Variants in IGFBP2 observed in about 807,000 individuals in gnomAD.
The protein encoded by IGFBP2 is insulin like growth factor binding protein 2.
IGFBP2 carries 12 observed loss-of-function variants against 26.2 expected under a neutral mutation model. The ratio of observed to expected loss-of-function variants is 0.46; its 90% CI spans 0.29 to 0.74. The LOEUF (loss-of-function observed/expected upper bound fraction) is 0.74. Among genes scored for constraint, IGFBP2 ranks in the 30% least tolerant of loss-of-function variants. The pLI is 0.09. For missense variants in IGFBP2, 328 were observed against 441.2 expected, an observed-to-expected ratio of 0.74 and a Z score of 2.30; for synonymous variants, 189 against 200.6, an observed-to-expected ratio of 0.94 and a Z score of 0.49.
intron 2 of IGFBP2, chr2:216,661,351 A>C: frequency 3.6e-6 from 1 of 279,548 alleles, no homozygotes; most frequent in Non-Finnish European, 7.0e-6. Context: ...CAATCCTCCC[A>C]CCTCGGCCTC....
intron 1 of IGFBP2, among the ~76,000 whole-genome samples, chr2:216,641,542 A>G (rs9341130): frequency 0.091 from 13,893 of 152,182 alleles, 834 homozygotes; most frequent in East Asian, 0.26. Flanking sequence ...CTACTTTCAC[A>G]GGGCTGTAGT....
chr2:216,652,510 TGAGAAATTA>T (rs1232819190), intron 1 of IGFBP2, among the ~76,000 whole-genome samples: 1 of 152,188 alleles, frequency 6.6e-6, no homozygotes, highest in Non-Finnish European at 1.5e-5. Context: ...TTTTCAGACT[TGAGAAATTA>T]GAGCTCAGAG....
At chr2:216,645,231 A>AGGG (rs1697688055) in intron 1 of IGFBP2, among the ~76,000 whole-genome samples, 1 of 152,108 alleles carries the variant, frequency 6.6e-6, no homozygotes, top group Non-Finnish European at 1.5e-5. Context: ...GGCAGGATAA[A>AGGG]GGGGGTGGGG....
intron 1 of IGFBP2, among the ~76,000 whole-genome samples, chr2:216,653,703 C>T (rs1383983812): frequency 6.6e-6 from 1 of 152,150 alleles, no homozygotes; most frequent in Non-Finnish European, 1.5e-5. Context: ...GCAGTCTACC[C>T]AAGGCAGGGG....
At chr2:216,659,860 TG>T (rs1322690208) in intron 1 of IGFBP2, 1 of 861,248 alleles carries the variant, frequency 1.2e-6, no homozygotes, top group Non-Finnish European at 1.9e-6. Flanking sequence ...AATGTCAGTG[TG>T]GCAGAGCTGT....
chr2:216,635,418 A>T (rs900372766), intron 1 of IGFBP2, among the ~76,000 whole-genome samples: 1 of 152,144 alleles, frequency 6.6e-6, no homozygotes, highest in African/African-American at 2.4e-5. Context: ...TCCCCCAGTC[A>T]TGCGTTCCTC....
At chr2:216,643,744 C>T (rs1418858254) in intron 1 of IGFBP2, among the ~76,000 whole-genome samples, 3 of 152,092 alleles carry the variant, frequency 2.0e-5, no homozygotes, top group Admixed American at 1.3e-4. Context: ...ATTCAAAGCT[C>T]TCCTGGGCTG....
At chr2:216,645,246 G>A (rs1697688456) in intron 1 of IGFBP2, among the ~76,000 whole-genome samples, 1 of 152,224 alleles carries the variant, frequency 6.6e-6, no homozygotes, top group African/African-American at 2.4e-5. Context: ...GTGGGGGTAG[G>A]ACAGGTTTAC....
At chr2:216,663,349 TCAGCTGTGCTTCTTAC>T (rs1365415008) in intron 3 of IGFBP2, 1 of 152,224 alleles carries the variant, frequency 6.6e-6, no homozygotes, top group Non-Finnish European at 1.5e-5. Flanking sequence ...GGCTTCCATC[TCAGCTGTGCTTCTTAC>T]CAGCTGTGTG....
At chr2:216,655,274 C>T (rs1697897418) in intron 1 of IGFBP2, among the ~76,000 whole-genome samples, 1 of 152,110 alleles carries the variant, frequency 6.6e-6, no homozygotes, top group Admixed American at 6.5e-5. Context: ...ACCCAAATGT[C>T]ATCTTGAATT....
intron 1 of IGFBP2, 158 bp downstream of exon 1, chr2:216,634,123 C>T (rs1337172868): frequency 3.6e-6 from 3 of 836,372 alleles, no homozygotes; most frequent in Non-Finnish European, 2.9e-6. Context: ...AAGTCAGGCC[C>T]GGGGAGGGGA....
At chr2:216,653,923 A>G (rs993639062) in intron 1 of IGFBP2, among the ~76,000 whole-genome samples, 2 of 152,188 alleles carry the variant, frequency 1.3e-5, no homozygotes, top group African/African-American at 2.4e-5. Flanking sequence ...GGAGGTTTCT[A>G]TCAACCATTT....
chr2:216,648,258 G>A (rs1030724462), intron 1 of IGFBP2, among the ~76,000 whole-genome samples: 1 of 152,154 alleles, frequency 6.6e-6, no homozygotes, highest in African/African-American at 2.4e-5. Flanking sequence ...GCAGCACCAG[G>A]ATGGATTTGT....
intron 2 of IGFBP2, chr2:216,661,228 G>A (rs1381453351): frequency 3.7e-6 from 1 of 268,992 alleles, no homozygotes; most frequent in Non-Finnish European, 7.2e-6. Flanking sequence ...TCAGCCTCCT[G>A]AACAGCTGGG....
chr2:216,663,892 A>C, intron 3 of IGFBP2, 48 bp from the exon 4 acceptor site: 1 of 1,576,742 alleles, frequency 6.3e-7, no homozygotes, highest in Non-Finnish European at 8.7e-7. Context: ...GGACAGAAGG[A>C]AAGTTGCTGG....
At chr2:216,659,242 A>G (rs1697983034) in intron 1 of IGFBP2, among the ~76,000 whole-genome samples, 1 of 152,214 alleles carries the variant, frequency 6.6e-6, no homozygotes, top group African/African-American at 2.4e-5. Flanking sequence ...TGTCCCTGGC[A>G]TGGAAGAGGT....
intron 1 of IGFBP2, among the ~76,000 whole-genome samples, chr2:216,634,207 C>T (rs566641773): frequency 6.6e-6 from 1 of 152,336 alleles, no homozygotes; most frequent in Non-Finnish European, 1.5e-5. Flanking sequence ...AAAGGCATCC[C>T]TGCTGCCATA....
At chr2:216,633,275 G>C (rs1235668219), upstream of IGFBP2, 1 of 154,108 alleles carries the variant, frequency 6.5e-6, no homozygotes, top group East Asian at 1.9e-4. Context: ...CCAACGCGGA[G>C]GTGGGCGAGC....
chr2:216,649,861 G>A (rs1000750190), intron 1 of IGFBP2, among the ~76,000 whole-genome samples: 2 of 152,146 alleles, frequency 1.3e-5, no homozygotes, highest in African/African-American at 4.8e-5. Context: ...AGCCCGAGAT[G>A]AGATGGCAGC....
Sources: allele counts gnomAD v4.1 joint callset (sites outside exome capture counted in the v4.1 genomes callset), GRCh38; gene constraint gnomAD v4.1.1; transcripts MANE v1.5; gene names NCBI Gene and HGNC (gene_info 2026-07-23, HGNC 2026-07-21).